Variants in RNASEK observed in about 807,000 individuals in gnomAD.
The protein encoded by RNASEK is ribonuclease kappa.
In RNASEK, 7 loss-of-function variants were observed where a neutral mutation model predicts 11.2. The ratio of observed to expected loss-of-function variants is 0.62; its 90% confidence interval spans 0.35 to 1.17. RNASEK has a LOEUF of 1.17. RNASEK is among the 50% of genes most tolerant of loss of function. RNASEK has a pLI of 0.02. For missense variants in RNASEK, 101 were observed against 126.7 expected, an observed-to-expected ratio of 0.80 and a Z score of 0.97; for synonymous variants, 46 against 49.5, an observed-to-expected ratio of 0.93 and a Z score of 0.30.
intron 1 of RNASEK, 104 bp downstream of exon 1, chr17:7,012,865 G>A: frequency 9.8e-7 from 1 of 1,019,436 alleles, no homozygotes; most frequent in African/African-American, 1.6e-5. Flanking sequence ...CGGAGGGGCC[G>A]GGGATCTACA....
At position 7,013,365 on chromosome 17, in the gene RNASEK, C is replaced by G. The variant is rs527536445; in HGVS notation, c.79-301C>G. The G allele has an allele frequency of 3.3e-5, 51 of 1,530,772 alleles. No homozygotes were observed. The Admixed American group carries it at 6.9e-4, about 21-fold the overall frequency. 94.8% of individuals were successfully genotyped at this position (1,530,772 alleles called of 1,614,324 possible). On this transcript the variant is annotated intron_variant, in intron 1 of 2. Transcript: ENST00000593646. ...AAGAAGAAATGATATGAAGAAGTGC[C>G]GGTTCTCCCTCCCCTCTTCCGCACT...
In RNASEK at chr17:7,013,821, G is replaced by T. The variant is rs1019402111; in HGVS notation, c.155+79G>T. 4.3e-6 allele frequency: 5 copies of T among 1,160,642 alleles called. No homozygotes were observed. In the Admixed American group the frequency reaches 6.7e-5, roughly 16 times the overall value. The allele number at this position is 1,160,642 out of a possible 1,614,324, so 71.9% of individuals were successfully genotyped here. On this transcript the variant is annotated intron_variant, in intron 2 of 2. Coordinates refer to ENST00000593646, the MANE Select transcript of RNASEK (RefSeq NM_001004333.5). ...CTAGGGTCAGAATTACGTCTGGGAGGCCCGGTGCTTAGGGCCCCTAGGTTA... is the reference window on the plus strand; with the variant it reads ...CTAGGGTCAGAATTACGTCTGGGAGTCCCGGTGCTTAGGGCCCCTAGGTTA...
intron 1 of RNASEK, chr17:7,013,076 G>C (rs911883982): frequency 2.0e-5 from 9 of 453,128 alleles, no homozygotes; most frequent in Non-Finnish European, 3.6e-5. Flanking sequence ...AGTGAGCCGA[G>C]ATCGCGCCAC....
intron 2 of RNASEK, 71 bp downstream of exon 2, chr17:7,013,813 T>A: frequency 8.2e-7 from 1 of 1,222,346 alleles, no homozygotes. Flanking sequence ...CAGAATTACG[T>A]CTGGGAGGCC....
At chr17:7,013,453 G>C (rs1567723188) in intron 1 of RNASEK, 1 of 1,538,754 alleles carries the variant, frequency 6.5e-7, no homozygotes, top group Non-Finnish European at 8.7e-7. Context: ...AGATGGCTTG[G>C]TCACTATTCC....
intron 1 of RNASEK, 100 bp downstream of exon 1, chr17:7,012,861 G>A: frequency 9.2e-7 from 1 of 1,090,098 alleles, no homozygotes; most frequent in Non-Finnish European, 1.3e-6. Context: ...AGGCCGGAGG[G>A]GCCGGGGATC....
Position 7,014,426 on chromosome 17 carries a change from A to C in RNASEK, c.*140A>C. 1 of 857,420 alleles carries C rather than the reference A, an allele frequency of 1.2e-6. No homozygotes were observed. The highest frequency in any genetic ancestry group is 1.8e-6 in the Non-Finnish European group (1 of 561,338). 53.1% of individuals were successfully genotyped at this position (857,420 alleles called of 1,614,324 possible). On this transcript the variant is annotated 3_prime_UTR_variant, in exon 3 of 3. Coordinates refer to ENST00000593646, the MANE Select transcript of RNASEK (RefSeq NM_001004333.5). The surrounding 1 kb of genome is among the most constrained non-coding windows in gnomAD (Gnocchi z 4.5). Reference sequence around the variant, plus strand: ...GGCGAGAGACTGAATCCCTTCTCCCATCTCTGGCATCCGGCCCCCGTGGAG... The same window carrying C: ...GGCGAGAGACTGAATCCCTTCTCCCCTCTCTGGCATCCGGCCCCCGTGGAG...
At chr17:7,013,120 G>A (rs1436147490) in intron 1 of RNASEK, 4 of 457,500 alleles carry the variant, frequency 8.7e-6, no homozygotes, top group Non-Finnish European at 1.2e-5. Context: ...GCGAGACTCC[G>A]TCCCCAAAGA....
At chr17:7,013,566 G>A in intron 1 of RNASEK, 100 bp from the exon 2 acceptor site, 1 of 1,607,540 alleles carries the variant, frequency 6.2e-7, no homozygotes. Flanking sequence ...GTTAATCTCA[G>A]GCTCGGGTGT....
intron 1 of RNASEK, 51 bp downstream of exon 1, chr17:7,012,812 T>A (rs1437067841): frequency 6.6e-7 from 1 of 1,511,998 alleles, no homozygotes. Context: ...GGCTCCGGGC[T>A]GGGAGGGCTG....
chr17:7,013,729 G>A lies in RNASEK; in HGVS notation c.142G>A (p.Glu48Lys), dbSNP rs1909599335. The A allele has an allele frequency of 2.6e-6, 4 of 1,536,922 alleles. No homozygotes were observed. Among genetic ancestry groups the A allele is most frequent in the Non-Finnish European group, 3.6e-6 (4 of 1,121,762 alleles). The change falls in exon 2 of 3, where the codon GAG becomes AAG. Residue 48 changes from glutamate to lysine, a missense_variant. Physicochemically the swap from Glu to Lys is moderately conservative, Grantham distance 56. Transcript: ENST00000593646. ...AVLIEDVPFT[E>K]KDFENGPQNI... The stretch of plus-strand genomic sequence containing the variant: ...GTTGATTGAGGACGTTCCCTTCACG[G>A]AGAAAGATTTTGAGTAAGTATTCGG...
Position 7,012,752 on chromosome 17 carries a change from G to A in RNASEK, c.69G>A (p.Val23=). 1 of 1,612,878 alleles carries A rather than the reference G, an allele frequency of 6.2e-7. No individual in the cohort carries two copies. The highest frequency in any genetic ancestry group is 2.2e-5 in the East Asian group (1 of 44,884). The change falls in exon 1 of 3, where the codon GTG becomes GTA. Residue 23 remains valine (V), a synonymous_variant. Transcript: ENST00000593646. ...GCATCGTCCTCAGCGCCTGGGGAGT[G>A]ATCATGTTGGTGAGGGGACTCCCCG... ...ACGIVLSAWG[V]IMLIMLGIFF...
intron 2 of RNASEK, 196 bp downstream of exon 2, chr17:7,013,938 G>C: frequency 1.5e-6 from 1 of 688,024 alleles, no homozygotes; most frequent in Non-Finnish European, 2.5e-6. Context: ...ACCACCTTAG[G>C]TGTGACCTCT....
At position 7,014,151 on chromosome 17, in the gene RNASEK, C is replaced by T. The variant is rs775899184; in HGVS notation, c.162C>T (p.Gly54=). 6.4e-6 allele frequency: 10 copies of T among 1,555,398 alleles called. No homozygotes were observed. The East Asian group carries it at 1.9e-4, about 30-fold the overall frequency. The part of the protein sequence containing the change: ...VPFTEKDFEN[G]PQNIYNLYEQ... Reference sequence around the variant, plus strand: ...GCTTCATTCCCACCCCCAGGAATGGCCCCCAGAACATATACAACCTTTACG... The same window carrying T: ...GCTTCATTCCCACCCCCAGGAATGGTCCCCAGAACATATACAACCTTTACG... The change falls in exon 3 of 3, where the codon GGC becomes GGT. Residue 54 remains glycine, a synonymous_variant. Coordinates refer to ENST00000593646, the MANE Select transcript of RNASEK (RefSeq NM_001004333.5). The surrounding 1 kb of genome is among the most constrained non-coding windows in gnomAD (Gnocchi z 4.5).
chr17:7,014,442 C>T lies in RNASEK; in HGVS notation c.*156C>T. ...CCTTCTCCCATCTCTGGCATCCGGC[C>T]CCCGTGGAGAGGGCTGAGGCTGGGG... On this transcript the variant is annotated 3_prime_UTR_variant, in exon 3 of 3. Transcript: ENST00000593646. The surrounding 1 kb of genome is among the most constrained non-coding windows in gnomAD (Gnocchi z 4.5). 2.6e-6 allele frequency: 2 copies of T among 774,656 alleles called. No homozygotes were observed. The highest frequency in any genetic ancestry group is 2.0e-6 in the Non-Finnish European group (1 of 488,476). The allele number at this position is 774,656 out of a possible 1,614,324, so 48.0% of individuals were successfully genotyped here.
rs1909629113 is a variant in RNASEK, at chr17:7,014,020, G to A, written c.156-125G>A. ...GGCTATGACAGATCTCACCCCATAG[G>A]ATGGTCAAGAAGATTGAATAAAGTA... On this transcript the variant is annotated intron_variant, in intron 2 of 2. Coordinates refer to ENST00000593646, the MANE Select transcript of RNASEK (RefSeq NM_001004333.5). This position sits in a 1 kb window ranked among gnomAD's most constrained non-coding sequence, Gnocchi z 4.5. The A allele has an allele frequency of 1.1e-5, 10 of 922,932 alleles. No individual in the cohort carries two copies. The highest frequency in any genetic ancestry group is 2.3e-5 in the Admixed American group (1 of 43,650). The allele number at this position is 922,932 out of a possible 1,614,324, so 57.2% of individuals were successfully genotyped here.
Position 7,014,449 on chromosome 17 carries a change from G to C in RNASEK, c.*163G>C, listed in dbSNP as rs1909663694. ...CCATCTCTGGCATCCGGCCCCCGTG[G>C]AGAGGGCTGAGGCTGGGGGGCTGTT... On this transcript the variant is annotated 3_prime_UTR_variant, in exon 3 of 3. Coordinates refer to ENST00000593646, the MANE Select transcript of RNASEK (RefSeq NM_001004333.5). The surrounding 1 kb of genome is among the most constrained non-coding windows in gnomAD (Gnocchi z 4.5). 1 of 714,876 alleles carries C rather than the reference G, an allele frequency of 1.4e-6. No individual in the cohort carries two copies. The highest frequency in any genetic ancestry group is 2.3e-6 in the Non-Finnish European group (1 of 434,966). 44.3% of individuals were successfully genotyped at this position (714,876 alleles called of 1,614,324 possible).
At chr17:7,013,061 GGT>G in intron 1 of RNASEK, 1 of 459,564 alleles carries the variant, frequency 2.2e-6, no homozygotes, top group Non-Finnish European at 3.9e-6. Flanking sequence ...GGAGGCGGAG[GGT>G]GCAGTGAGCC....
At position 7,012,778 on chromosome 17, in the gene RNASEK, G is replaced by A; in HGVS notation, c.78+17G>A. On this transcript the variant is annotated intron_variant, in intron 1 of 2. Transcript: ENST00000593646. ...ATCATGTTGGTGAGGGGACTCCCCG[G>A]CAAGGATCGGAGAGGGCCTGAGGGG... 6.2e-7 allele frequency: 1 copy of A among 1,609,576 alleles called. No individual in the cohort carries two copies. Among genetic ancestry groups the A allele is most frequent in the Middle Eastern group, 1.7e-4 (1 of 6,020 alleles).
Sources: allele counts gnomAD v4.1 joint callset, GRCh38; gene constraint gnomAD v4.1.1; non-coding constraint Gnocchi (gnomAD v3.1); transcripts MANE v1.5; gene names NCBI Gene and HGNC (gene_info 2026-07-23, HGNC 2026-07-21).